The following BRWD1 variants were observed in gnomAD, a reference collection of about 807,000 sequenced individuals.
The protein encoded by BRWD1 is bromodomain and WD repeat-containing protein 1.
BRWD1 carries 82 observed loss-of-function variants against 251.2 expected under a neutral mutation model. The observed-to-expected ratio is 0.33, with a 90% CI of 0.27 to 0.39. BRWD1 has a LOEUF of 0.39. Ranked by LOEUF, BRWD1 falls within the 10% of genes least tolerant of loss-of-function variation. BRWD1 has a pLI of 1.00. For synonymous variants in BRWD1, 918 were observed against 902.8 expected (o/e 1.02, Z -0.30); for missense variants, 2,233 against 2,711.6 (o/e 0.82, Z 3.92).
In BRWD1 at chr21:39,293,860, G is replaced by A. The variant is rs1312063739; in HGVS notation, c.782C>T (p.Ala261Val). ...IIRVWCLRTCAPVAVLQGHTG... is the reference protein window; with the variant it reads ...IIRVWCLRTCVPVAVLQGHTG... Reference sequence around the variant, plus strand: ...GTGTCCTTGGAGCACAGCAACTGGGGCACAAGTTCTCAAGCACCACACTCT... The same window carrying A: ...GTGTCCTTGGAGCACAGCAACTGGGACACAAGTTCTCAAGCACCACACTCT... Residue 261 changes from alanine (A) to valine (V), a missense_variant, in exon 8 of 41, where the codon GCC (alanine) becomes GTC (valine). Ala to Val is a moderately conservative substitution (Grantham distance 64). This residue lies in a region of BRWD1 where 185 missense variants were observed against 260.6 expected (regional missense o/e 0.71). Coordinates refer to ENST00000342449, the MANE Select transcript of BRWD1 (RefSeq NM_033656.4). 6.2e-7 allele frequency: 1 copy of A among 1,614,038 alleles called. No homozygotes were observed. The highest frequency in any genetic ancestry group is 1.7e-5 in the Admixed American group (1 of 59,994).
intron 7 of BRWD1, among the ~76,000 whole-genome samples, 175 bp from the exon 8 acceptor site, chr21:39,294,207 T>C (rs2035890259): frequency 6.6e-6 from 1 of 152,216 alleles, no homozygotes; most frequent in Non-Finnish European, 1.5e-5. Context: ...TAATAGTATT[T>C]TTCTTTAAGG....
In BRWD1 at chr21:39,206,607, T is replaced by C. The variant is rs78816127; in HGVS notation, c.4198-333A>G. ...AATATACCCTTCTCCCAAAGTTAGA[T>C]GGGAAGTTGAATGGTTTTAAGGCTG... On this transcript the variant is annotated intron_variant, in intron 36 of 40. Transcript: ENST00000342449. Among the ~76,000 whole-genome samples, 101 of 152,316 alleles carry C rather than the reference T, an allele frequency of 6.6e-4. No homozygotes were observed. In the East Asian group the frequency reaches 0.017, roughly 26 times the overall value.
At chr21:39,241,183 G>A (rs1047244651) in intron 21 of BRWD1, among the ~76,000 whole-genome samples, 6 of 150,936 alleles carry the variant, frequency 4.0e-5, no homozygotes, top group African/African-American at 1.5e-4. Flanking sequence ...ATAAATAACA[G>A]GGCTGGGCAT....
At chr21:39,313,358 A>G (rs35182074) in intron 1 of BRWD1, 59 bp from the exon 2 acceptor site, 66 of 1,462,778 alleles carry the variant, frequency 4.5e-5, no homozygotes, top group Admixed American at 3.1e-4. Context: ...GGACGGGGCC[A>G]GGGGAGCCGG....
At chr21:39,251,740 T>C (rs1458259454) in intron 19 of BRWD1, among the ~76,000 whole-genome samples, 1 of 152,214 alleles carries the variant, frequency 6.6e-6, no homozygotes, top group African/African-American at 2.4e-5. Flanking sequence ...CTGCTTTATG[T>C]GTGTTTAAGG....
At chr21:39,244,946 G>A (rs868106946) in intron 21 of BRWD1, among the ~76,000 whole-genome samples, 66 of 59,530 alleles carry the variant, frequency 1.1e-3, no homozygotes, top group Non-Finnish European at 1.6e-3. Context: ...ATATATATAT[G>A]CAGAAAAAGA....
intron 8 of BRWD1, among the ~76,000 whole-genome samples, chr21:39,287,299 C>A (rs1161683150): frequency 1.3e-5 from 2 of 152,142 alleles, no homozygotes; most frequent in Admixed American, 1.3e-4. Flanking sequence ...GAAAAGCTCT[C>A]CACCTTTCTA....
intron 8 of BRWD1, among the ~76,000 whole-genome samples, chr21:39,292,892 T>C (rs983883904): frequency 6.6e-6 from 1 of 152,208 alleles, no homozygotes; most frequent in Non-Finnish European, 1.5e-5. Flanking sequence ...AACTGGAAAC[T>C]TGAACATCAA....
chr21:39,198,737 GA>G, intron 40 of BRWD1, 25 bp downstream of exon 40: 1 of 1,530,848 alleles, frequency 6.5e-7, no homozygotes, highest in Non-Finnish European at 8.8e-7. Flanking sequence ...GTCAATCAGT[GA>G]ACAAAGATAA....
At chr21:39,271,417 C>T (rs551399115) in intron 13 of BRWD1, among the ~76,000 whole-genome samples, 3 of 151,984 alleles carry the variant, frequency 2.0e-5, no homozygotes, top group African/African-American at 7.2e-5. Flanking sequence ...CGGCCGGGCA[C>T]GGTGGCTCAT....
rs2031959920 is a variant in BRWD1 at position 39,198,884 on chromosome 21, T to G, written c.5532A>C (p.Pro1844=). ...DGKCHKMEMN[P]ISGNLNCDPI... Reference sequence around the variant, plus strand: ...GGTCACAGTTCAGATTTCCTGAAATTGGGTTCATTTCCATTTTATGACATT... The same window carrying G: ...GGTCACAGTTCAGATTTCCTGAAATGGGGTTCATTTCCATTTTATGACATT... Residue 1844 remains proline (P), a synonymous_variant, in exon 40 of 41, where the codon CCA becomes CCC. Coordinates refer to ENST00000342449, the MANE Select transcript of BRWD1 (RefSeq NM_033656.4). The G allele has an allele frequency of 1.2e-6, 2 of 1,614,212 alleles. No homozygotes were observed. Among genetic ancestry groups the G allele is most frequent in the Non-Finnish European group, 1.7e-6 (2 of 1,180,024 alleles).
intron 10 of BRWD1, 24 bp downstream of exon 10, chr21:39,278,719 A>G: frequency 6.5e-7 from 1 of 1,547,576 alleles, no homozygotes; most frequent in Non-Finnish European, 8.7e-7. Flanking sequence ...AAAAACTAAG[A>G]AAAAAATGTG....
rs757972694 is a variant in BRWD1, at chr21:39,199,441, G to A, written c.4975C>T (p.Arg1659Trp). The change falls in exon 40 of 41, where the codon CGG becomes TGG. Residue 1659 changes from arginine (R) to tryptophan (W), a missense_variant. By Grantham distance (101) the Arg-to-Trp change is moderately radical. Around this residue, in one of 12 missense-constraint regions of BRWD1, gnomAD observed 928 missense variants for 970.0 expected, o/e 0.96. Transcript: ENST00000342449. ...GAAGCATTGCGGTGAGGCAGCTTCC[G>A]ACCAGAACAGACACTTTCAGAGCTA... ...NSSSESVCSG[R>W]KLPHRNASAV... 28 of 1,614,094 alleles carry A rather than the reference G, an allele frequency of 1.7e-5. No homozygotes were observed. Among genetic ancestry groups the A allele is most frequent in the East Asian group, 2.2e-5 (1 of 44,882 alleles).
rs1040216220 is a variant in BRWD1, at chr21:39,228,008, G to C, written c.3208+492C>G. 2.0e-5 allele frequency among the ~76,000 whole-genome samples: 3 copies of C among 152,058 alleles called. No individual in the cohort carries two copies. The East Asian group carries it at 5.8e-4, about 29-fold the overall frequency. On this transcript the variant is annotated intron_variant, in intron 27 of 40. Coordinates refer to ENST00000342449, the MANE Select transcript of BRWD1 (RefSeq NM_033656.4). ...TCGTCTAAAAAAGTCTACATAATAG[G>C]GCTGGGCACGGTGGCTCACACCTCT...
chr21:39,256,719 A>G (rs768877511), intron 18 of BRWD1, among the ~76,000 whole-genome samples: 36 of 152,340 alleles, frequency 2.4e-4, no homozygotes, highest in Middle Eastern at 6.8e-3. Context: ...TTCTTACAAC[A>G]GAAGGTGAAG....
intron 26 of BRWD1, 23 bp from the exon 27 acceptor site, chr21:39,228,605 G>A (rs2146542489): frequency 1.4e-6 from 2 of 1,439,068 alleles, no homozygotes; most frequent in Non-Finnish European, 2.0e-6. Context: ...TTAAAAAATT[G>A]TTAAACTCTC....
chr21:39,235,885 C>CCCAAA (rs2033792978), intron 23 of BRWD1: 1 of 168,962 alleles, frequency 5.9e-6, no homozygotes, highest in Non-Finnish European at 1.3e-5. Context: ...ATGGCCACAT[C>CCCAAA]CCAAACCACT....
Position 39,195,502 on chromosome 21 carries a change from AGT to A in BRWD1, c.*755_*756del, listed in dbSNP as rs2031765806. 5 of 984,384 alleles carry A rather than the reference AGT, an allele frequency of 5.1e-6. No homozygotes were observed. The highest frequency in any genetic ancestry group is 5.2e-4 in the Middle Eastern group (1 of 1,932). The allele number at this position is 984,384 out of a possible 1,614,324, so 61.0% of individuals were successfully genotyped here. On this transcript the variant is annotated 3_prime_UTR_variant, in exon 41 of 41. Transcript: ENST00000342449. ...AAGACAGATTATATAGCATTTTGTT[AGT>A]GCACAATTTAAAAGAAAATGCTCTG... is the stretch of plus-strand genomic sequence containing the variant.
intron 38 of BRWD1, 30 bp downstream of exon 38, chr21:39,202,295 A>C (rs371898559): frequency 7.5e-5 from 117 of 1,554,192 alleles, no homozygotes; most frequent in Non-Finnish European, 9.6e-5. Context: ...GGTGCTCAGC[A>C]AAGAAATAAC....
Sources: allele counts gnomAD v4.1 joint callset (sites outside exome capture counted in the v4.1 genomes callset), GRCh38; gene constraint gnomAD v4.1.1; regional missense constraint gnomAD v4.1.1; transcripts MANE v1.5; gene names NCBI Gene and HGNC (gene_info 2026-07-23, HGNC 2026-07-21).